The following ANO1 variants were observed in gnomAD, a reference collection of about 807,000 sequenced individuals.
ANO1 encodes anoctamin-1.
ANO1 carries 59 observed loss-of-function variants against 124.0 expected under a neutral mutation model. The ratio of observed to expected loss-of-function variants is 0.48; its 90% CI spans 0.39 to 0.59. ANO1 has a LOEUF of 0.59. Among genes scored for constraint, ANO1 ranks in the 20% least tolerant of loss-of-function variants. The pLI is 0.00. For synonymous variants in ANO1, 529 were observed against 532.0 expected, an observed-to-expected ratio of 0.99 and a Z score of 0.08; for missense variants, 1,059 against 1,328.0, an observed-to-expected ratio of 0.80 and a Z score of 3.15.
intron 1 of ANO1, among the ~76,000 whole-genome samples, chr11:70,054,717 T>G (rs1555006630): frequency 6.6e-6 from 1 of 152,276 alleles, no homozygotes; most frequent in Admixed American, 6.5e-5. Context: ...ATTTTAGTTT[T>G]GTTGATTTCT....
chr11:70,048,700 C>A (rs1360733611), intron 1 of ANO1, among the ~76,000 whole-genome samples: 2 of 149,878 alleles, frequency 1.3e-5, no homozygotes, highest in East Asian at 4.0e-4. Context: ...TCTTCTCCAC[C>A]CCCCACCGCT....
chr11:70,122,376 C>T (rs1448194133), intron 8 of ANO1, among the ~76,000 whole-genome samples: 2 of 134,170 alleles, frequency 1.5e-5, no homozygotes, highest in African/African-American at 5.7e-5. Flanking sequence ...TCTCCCCCAC[C>T]TCTCTCTGTC....
intron 11 of ANO1, among the ~76,000 whole-genome samples, chr11:70,136,460 GGC>G: frequency 8.5e-6 from 1 of 118,342 alleles, no homozygotes; most frequent in Non-Finnish European, 2.0e-5. Flanking sequence ...GCCTCACCCT[GGC>G]CTCAGTCCTG....
chr11:70,039,311 C>G (rs1465903587), intron 1 of ANO1, among the ~76,000 whole-genome samples: 1 of 152,056 alleles, frequency 6.6e-6, no homozygotes, highest in Non-Finnish European at 1.5e-5. Context: ...TCTTTGGACC[C>G]AAGAGCTTAT....
intron 8 of ANO1, among the ~76,000 whole-genome samples, chr11:70,123,621 C>T (rs2046381539): frequency 6.6e-6 from 1 of 152,190 alleles, no homozygotes; most frequent in South Asian, 2.1e-4. Flanking sequence ...TGGGCAGCTG[C>T]TCTGTCCCAG....
chr11:70,131,889 G>T (rs1242804153), intron 10 of ANO1, 30 bp from the exon 11 acceptor site: 1 of 1,587,866 alleles, frequency 6.3e-7, no homozygotes, highest in Non-Finnish European at 8.5e-7. Flanking sequence ...GCCCAACAAG[G>T]TGACTCCAGG....
intron 24 of ANO1, 86 bp downstream of exon 24, chr11:70,182,772 G>A: frequency 2.5e-6 from 3 of 1,207,002 alleles, no homozygotes; most frequent in Non-Finnish European, 3.3e-6. Flanking sequence ...CAAATCAGGA[G>A]CAAGTCATGA....
At chr11:69,985,492 G>C (rs1337319683), upstream of ANO1, among the ~76,000 whole-genome samples, 1 of 152,198 alleles carries the variant, frequency 6.6e-6, no homozygotes, top group Non-Finnish European at 1.5e-5. Flanking sequence ...CCTGGGGGAG[G>C]GGGCCAGGGC....
chr11:70,131,629 A>G (rs921146757), intron 10 of ANO1, among the ~76,000 whole-genome samples: 1 of 152,120 alleles, frequency 6.6e-6, no homozygotes, highest in African/African-American at 2.4e-5. Context: ...CGCCCGTCCC[A>G]TTGTGTGTTT....
intron 1 of ANO1, among the ~76,000 whole-genome samples, chr11:70,020,169 T>C (rs1856774776): frequency 6.6e-6 from 1 of 152,190 alleles, no homozygotes; most frequent in Non-Finnish European, 1.5e-5. Flanking sequence ...GTTTAGTCCA[T>C]GGGGTAATGA....
At chr11:70,027,796 G>C (rs782607104) in intron 1 of ANO1, among the ~76,000 whole-genome samples, 1 of 152,186 alleles carries the variant, frequency 6.6e-6, no homozygotes, top group Non-Finnish European at 1.5e-5. Flanking sequence ...CGCCCTTCTT[G>C]CTAGTGGGGA....
At chr11:70,013,206 C>T (rs1856632135) in intron 1 of ANO1, among the ~76,000 whole-genome samples, 1 of 152,100 alleles carries the variant, frequency 6.6e-6, no homozygotes, top group South Asian at 2.1e-4. Flanking sequence ...AAGTGCCTGG[C>T]ATGTTCAAGC....
At position 70,187,720 on chromosome 11, in the gene ANO1, C is replaced by T. The variant is rs35553507; in HGVS notation, c.2695-18C>T. 182,087 of 1,597,746 alleles carry T rather than the reference C, an allele frequency of 0.11. 11,128 individuals carry two copies. Among genetic ancestry groups the T allele is most frequent in the Middle Eastern group, 0.2 (1,199 of 6,044 alleles). On this transcript the variant is annotated intron_variant, in intron 25 of 25. Transcript: ENST00000355303. Reference sequence around the variant, plus strand: ...AGGCGCCATCCTCCCTTCTGCCACGCGTTGCCTCTCCTTCCAGAACCTGGT... The same window carrying T: ...AGGCGCCATCCTCCCTTCTGCCACGTGTTGCCTCTCCTTCCAGAACCTGGT...
intron 7 of ANO1, among the ~76,000 whole-genome samples, chr11:70,112,971 G>A (rs1049149233): frequency 2.0e-5 from 3 of 152,196 alleles, no homozygotes; most frequent in Non-Finnish European, 4.4e-5. Flanking sequence ...AAGGGAAGGA[G>A]TCTAGGCAGA....
chr11:70,114,361 A>T (rs962993692), intron 7 of ANO1, among the ~76,000 whole-genome samples: 1 of 152,206 alleles, frequency 6.6e-6, no homozygotes, highest in African/African-American at 2.4e-5. Context: ...ACCAAAGCTG[A>T]TGTTTAAGCA....
Position 70,131,965 on chromosome 11 carries a change from T to G in ANO1, c.1144T>G (p.Cys382Gly). ...QRHNITMCPL[C>G]DKTCSYWKMS... Reference sequence around the variant, plus strand: ...ACACAATATCACCATGTGCCCGCTTTGCGACAAGACCTGCAGCTACTGGAA... The same window carrying G: ...ACACAATATCACCATGTGCCCGCTTGGCGACAAGACCTGCAGCTACTGGAA... Residue 382 changes from cysteine (C) to glycine (G), a missense_variant, in exon 11 of 26, where the codon TGC (cysteine) becomes GGC (glycine). Cys to Gly is a radical substitution (Grantham distance 159). Around this residue, in one of 2 missense-constraint regions of ANO1, gnomAD observed 809 missense variants for 1,094.9 expected, o/e 0.74. Transcript: ENST00000355303. The G allele has an allele frequency of 6.2e-7, 1 of 1,610,368 alleles. No homozygotes were observed. The highest frequency in any genetic ancestry group is 1.3e-5 in the African/African-American group (1 of 75,046).
At chr11:70,144,086 C>G (rs1218278308) in intron 11 of ANO1, among the ~76,000 whole-genome samples, 3 of 152,100 alleles carry the variant, frequency 2.0e-5, no homozygotes, top group Admixed American at 6.6e-5. Context: ...CTGGGCTCCT[C>G]CACTGCTCCA....
intron 1 of ANO1, among the ~76,000 whole-genome samples, chr11:70,070,031 G>A (rs1313740648): frequency 6.6e-6 from 1 of 152,192 alleles, no homozygotes; most frequent in Non-Finnish European, 1.5e-5. Flanking sequence ...TTAATTTGCT[G>A]TTGGCCATTA....
chr11:70,058,280 GT>G (rs1382795657), intron 1 of ANO1, among the ~76,000 whole-genome samples: 1 of 152,192 alleles, frequency 6.6e-6, no homozygotes, highest in East Asian at 1.9e-4. Flanking sequence ...TGGATGGCAA[GT>G]TTTTGGGCTC....
Sources: gnomAD v4.1 joint callset for allele counts (sites outside exome capture counted in the v4.1 genomes callset) on GRCh38, gnomAD v4.1.1 for gene constraint, gnomAD v4.1.1 regional missense constraint, MANE v1.5 for transcripts, NCBI Gene and HGNC (gene_info 2026-07-23, HGNC 2026-07-21) for gene names.